The following EPM2A variants were observed in gnomAD, a reference collection of about 807,000 sequenced individuals.
EPM2A encodes EPM2A glucan phosphatase, laforin.
In EPM2A, 21 loss-of-function variants were observed where a neutral mutation model predicts 26.5. That is an observed-to-expected ratio of 0.79 (90% CI 0.56 to 1.14). The LOEUF is 1.14. Among genes scored for constraint, EPM2A ranks in the 50% most tolerant of loss-of-function variants. The pLI, the probability that EPM2A is intolerant of heterozygous loss-of-function variation, is 0.00. For missense variants in EPM2A, 458 were observed against 440.8 expected, an observed-to-expected ratio of 1.04 and a Z score of -0.35; for synonymous variants, 217 against 177.6, an observed-to-expected ratio of 1.22 and a Z score of -1.76.
At position 145,602,344 on chromosome 6, in the gene EPM2A, T is replaced by A. The variant is rs146200976; in HGVS notation, c.340+32901A>T. Among the ~76,000 whole-genome samples, 27 of 152,348 alleles carry A rather than the reference T, an allele frequency of 1.8e-4. No homozygotes were observed. The East Asian group carries it at 4.8e-3, about 27-fold the overall frequency. ...CATGTCACATTATGAAGTGTATATC[T>A]AATAAGAGAAAACTTTCCTTTTGAC... On this transcript the variant is annotated intron_variant, in intron 2 of 3. Coordinates refer to the EPM2A transcript ENST00000450221.
chr6:145,576,731 C>A (rs1781037103), intron 2 of EPM2A, among the ~76,000 whole-genome samples: 1 of 151,846 alleles, frequency 6.6e-6, no homozygotes, highest in Non-Finnish European at 1.5e-5. Flanking sequence ...AGTAAGTACA[C>A]AAAGATAGAA....
At chr6:145,493,975 T>G (rs980655838) in intron 4 of EPM2A, among the ~76,000 whole-genome samples, 10 of 152,230 alleles carry the variant, frequency 6.6e-5, no homozygotes, top group African/African-American at 2.4e-4. Context: ...CATGTTTTGG[T>G]ATCAAGATGA....
chr6:145,730,128 C>T (rs962512266), intron 1 of EPM2A, among the ~76,000 whole-genome samples: 1 of 152,174 alleles, frequency 6.6e-6, no homozygotes, highest in African/African-American at 2.4e-5. Flanking sequence ...GTTTCCTGTA[C>T]AGCTTGTGAA....
chr6:145,670,893 C>G (rs949008805), intron 2 of EPM2A: 2 of 985,120 alleles, frequency 2.0e-6, no homozygotes, highest in East Asian at 1.1e-4. Context: ...AGTTAATACT[C>G]AATAAAAATC....
intron 4 of EPM2A, among the ~76,000 whole-genome samples, chr6:145,474,849 G>A (rs1303022349): frequency 6.6e-6 from 1 of 152,160 alleles, no homozygotes; most frequent in Non-Finnish European, 1.5e-5. Context: ...CATTTATGCA[G>A]CCAACAAAAT....
At chr6:145,447,603 C>T (rs181520615) in intron 4 of EPM2A, among the ~76,000 whole-genome samples, 4 of 152,112 alleles carry the variant, frequency 2.6e-5, no homozygotes, top group Admixed American at 2.6e-4. Context: ...ACATTGTCTA[C>T]AAGAATATAC....
intron 2 of EPM2A, among the ~76,000 whole-genome samples, chr6:145,680,457 T>C (rs969878536): frequency 6.6e-6 from 1 of 151,872 alleles, no homozygotes; most frequent in Non-Finnish European, 1.5e-5. Context: ...TAGTTACATA[T>C]GTATACATGT....
chr6:145,544,111 G>C (rs1253223268), intron 2 of EPM2A, among the ~76,000 whole-genome samples: 1 of 152,182 alleles, frequency 6.6e-6, no homozygotes, highest in African/African-American at 2.4e-5. Flanking sequence ...GTCTGGCAGA[G>C]GAAAATTCAG....
At chr6:145,595,561 A>T (rs4263604) in intron 2 of EPM2A, among the ~76,000 whole-genome samples, 2 of 151,692 alleles carry the variant, frequency 1.3e-5, no homozygotes, top group Non-Finnish European at 2.9e-5. Context: ...TTGTCTATTC[A>T]TTTCAAATAG....
chr6:145,632,860 A>G (rs1776367770), intron 3 of EPM2A, among the ~76,000 whole-genome samples: 1 of 152,164 alleles, frequency 6.6e-6, no homozygotes, highest in Admixed American at 6.6e-5. Context: ...CTTAGATTAC[A>G]CCCCCAGGTT....
chr6:145,479,419 A>G (rs1779586401), intron 4 of EPM2A, among the ~76,000 whole-genome samples: 1 of 151,184 alleles, frequency 6.6e-6, no homozygotes, highest in Admixed American at 6.6e-5. Flanking sequence ...CCAAACAGAA[A>G]CTCTATGACC....
At chr6:145,542,042 C>A (rs1780519519) in intron 2 of EPM2A, among the ~76,000 whole-genome samples, 1 of 151,012 alleles carries the variant, frequency 6.6e-6, no homozygotes, top group African/African-American at 2.4e-5. Context: ...GACCAATGTG[C>A]AATTAGTAGA....
At position 145,400,323 on chromosome 6, in the gene EPM2A, A is replaced by C. The variant is rs115686447; in HGVS notation, c.556-16226T>G. On this transcript the variant is annotated intron_variant, in intron 4 of 4. Coordinates refer to the EPM2A transcript ENST00000638717. ...CCTCTTGTCCAAGGGGAACTTAGATAAACCTTAAAAACTGATGACACAGAA... is the reference window on the plus strand; with the variant it reads ...CCTCTTGTCCAAGGGGAACTTAGATCAACCTTAAAAACTGATGACACAGAA... Among the ~76,000 whole-genome samples the C allele has an allele frequency of 4.0e-3, 604 of 152,328 alleles. 8 individuals carry two copies. The highest frequency in any genetic ancestry group is 0.014 in the African/African-American group (562 of 41,582).
intron 2 of EPM2A, among the ~76,000 whole-genome samples, chr6:145,618,560 G>C (rs1775564023): frequency 6.6e-6 from 1 of 152,176 alleles, no homozygotes; most frequent in Admixed American, 6.5e-5. Context: ...GTTCTCATGA[G>C]ATCTGATGGT....
intron 4 of EPM2A, among the ~76,000 whole-genome samples, chr6:145,389,534 T>A (rs949569195): frequency 6.6e-6 from 1 of 152,144 alleles, no homozygotes; most frequent in Non-Finnish European, 1.5e-5. Flanking sequence ...CATATTAATG[T>A]TAACTCTCTT....
intron 1 of EPM2A, among the ~76,000 whole-genome samples, chr6:145,723,174 G>A (rs1776029607): frequency 6.6e-6 from 1 of 152,130 alleles, no homozygotes; most frequent in Non-Finnish European, 1.5e-5. Context: ...AATATGAAAT[G>A]AAGGTAAATT....
intron 2 of EPM2A, among the ~76,000 whole-genome samples, chr6:145,525,235 A>ATTTG (rs1406205460): frequency 6.6e-6 from 1 of 150,636 alleles, no homozygotes; most frequent in African/African-American, 2.4e-5. Context: ...TTATTTATTT[A>ATTTG]TTTATTTATT....
At chr6:145,424,280 G>A (rs1778824847) in intron 4 of EPM2A, among the ~76,000 whole-genome samples, 1 of 152,204 alleles carries the variant, frequency 6.6e-6, no homozygotes, top group Non-Finnish European at 1.5e-5. Context: ...AGCTGGATGA[G>A]GGATGTGACG....
At chr6:145,528,105 T>A (rs1028337328) in intron 2 of EPM2A, among the ~76,000 whole-genome samples, 2 of 152,166 alleles carry the variant, frequency 1.3e-5, no homozygotes, top group African/African-American at 2.4e-5. Flanking sequence ...GTGAGAAAGC[T>A]GCAGGAAAAA....
Sources: allele counts gnomAD v4.1 joint callset (sites outside exome capture counted in the v4.1 genomes callset), GRCh38; gene constraint gnomAD v4.1.1; transcripts MANE v1.5; gene names NCBI Gene and HGNC (gene_info 2026-07-23, HGNC 2026-07-21).